FSTL5: variants seen among roughly 807,000 people sequenced by gnomAD.
FSTL5 encodes follistatin like 5, also known as follistatin-related protein 5.
A neutral mutation model predicts 89.1 loss-of-function variants in FSTL5; 62 were observed. That is an observed-to-expected ratio of 0.70 (90% CI 0.57 to 0.86). The LOEUF is 0.86. Ranked by LOEUF, FSTL5 falls within the 40% of genes least tolerant of loss-of-function variation. The pLI is 0.00. For missense variants in FSTL5, 1,057 were observed against 1,001.6 expected (o/e 1.06, Z -0.75); for synonymous variants, 383 against 346.2 (o/e 1.11, Z -1.18).
chr4:161,439,172 T>C (rs1732676434), intron 15 of FSTL5, among the ~76,000 whole-genome samples: 1 of 152,242 alleles, frequency 6.6e-6, no homozygotes, highest in Admixed American at 6.5e-5. Flanking sequence ...TGCACATTAA[T>C]GATAGATCTC....
chr4:161,999,050 T>C (rs1048310444), intron 3 of FSTL5, among the ~76,000 whole-genome samples: 1 of 152,204 alleles, frequency 6.6e-6, no homozygotes, highest in Non-Finnish European at 1.5e-5. Context: ...AGTCGTGCTC[T>C]AAACTAGTTT....
At chr4:162,029,677 G>T (rs1490909410) in intron 3 of FSTL5, among the ~76,000 whole-genome samples, 2 of 151,932 alleles carry the variant, frequency 1.3e-5, no homozygotes, top group African/African-American at 4.8e-5. Context: ...AAGTTATGAA[G>T]CACTGAACAG....
intron 8 of FSTL5, among the ~76,000 whole-genome samples, chr4:161,572,694 A>G (rs1466004792): frequency 1.3e-5 from 2 of 152,196 alleles, no homozygotes; most frequent in East Asian, 3.9e-4. Context: ...CAAGTAGTGC[A>G]CAGACTGGAG....
chr4:161,945,779 C>T (rs1734717544), intron 3 of FSTL5, among the ~76,000 whole-genome samples: 1 of 151,926 alleles, frequency 6.6e-6, no homozygotes, highest in Non-Finnish European at 1.5e-5. Flanking sequence ...GGAATACATT[C>T]AATGTGTTGT....
chr4:162,109,487 A>G (rs1250230437), intron 2 of FSTL5, among the ~76,000 whole-genome samples: 1 of 152,110 alleles, frequency 6.6e-6, no homozygotes, highest in Non-Finnish European at 1.5e-5. Flanking sequence ...ATTTAGCCAT[A>G]AAGACATACA....
At chr4:162,051,334 G>A (rs1381420590) in intron 2 of FSTL5, among the ~76,000 whole-genome samples, 1 of 151,366 alleles carries the variant, frequency 6.6e-6, no homozygotes, top group Non-Finnish European at 1.5e-5. Context: ...GATTAATGGA[G>A]AGATAGGTAG....
chr4:161,581,033 A>G (rs1474787972), intron 8 of FSTL5, among the ~76,000 whole-genome samples: 2 of 152,160 alleles, frequency 1.3e-5, no homozygotes, highest in Admixed American at 1.3e-4. Flanking sequence ...AGCAAGAGCC[A>G]ATCTCCTAGA....
At chr4:161,775,625 T>C (rs911663636) in intron 5 of FSTL5, among the ~76,000 whole-genome samples, 3 of 152,066 alleles carry the variant, frequency 2.0e-5, no homozygotes, top group Non-Finnish European at 2.9e-5. Context: ...GTAATTCCTT[T>C]AGGTATTTAA....
intron 4 of FSTL5, among the ~76,000 whole-genome samples, chr4:161,906,257 G>A (rs1290226285): frequency 1.3e-5 from 2 of 152,108 alleles, no homozygotes; most frequent in African/African-American, 4.8e-5. Context: ...GTTATCGGCG[G>A]TTAAAGTAAA....
intron 15 of FSTL5, among the ~76,000 whole-genome samples, chr4:161,451,752 G>C (rs1419752040): frequency 6.6e-6 from 1 of 152,192 alleles, no homozygotes; most frequent in Admixed American, 6.5e-5. Context: ...TAATGTGTTG[G>C]AGGCTGAGAA....
intron 8 of FSTL5, among the ~76,000 whole-genome samples, chr4:161,551,461 T>C (rs1732209785): frequency 6.6e-6 from 1 of 151,832 alleles, no homozygotes; most frequent in South Asian, 2.1e-4. Context: ...TTTGTTTGAG[T>C]TCATTGTAGA....
intron 3 of FSTL5, among the ~76,000 whole-genome samples, chr4:161,940,114 A>G (rs1734537392): frequency 6.6e-6 from 1 of 151,896 alleles, no homozygotes; most frequent in Non-Finnish European, 1.5e-5. Flanking sequence ...GAATTTCTAA[A>G]AAATTCTATC....
At chr4:161,452,246 T>G (rs982624025) in intron 15 of FSTL5, among the ~76,000 whole-genome samples, 3 of 152,062 alleles carry the variant, frequency 2.0e-5, no homozygotes, top group Non-Finnish European at 4.4e-5. Context: ...GAGGCCAAGG[T>G]GGGTGGATCA....
At chr4:161,652,626 T>G (rs1736380209) in intron 7 of FSTL5, among the ~76,000 whole-genome samples, 1 of 152,126 alleles carries the variant, frequency 6.6e-6, no homozygotes, top group Non-Finnish European at 1.5e-5. Flanking sequence ...ACGGGATTTC[T>G]TCTGCATTCA....
At position 161,500,599 on chromosome 4, in the gene FSTL5, C is replaced by T. The variant is rs554502443; in HGVS notation, c.1340-465G>A. On this transcript the variant is annotated intron_variant, in intron 11 of 15. Transcript: ENST00000306100. ...TTTTTAGGAAGAAAAAGACCAAATGCCCTAGATTTTGTAGAATATAAATTT... is the reference window on the plus strand; with the variant it reads ...TTTTTAGGAAGAAAAAGACCAAATGTCCTAGATTTTGTAGAATATAAATTT... Among the ~76,000 whole-genome samples the T allele has an allele frequency of 7.2e-5, 11 of 152,012 alleles. No individual in the cohort carries two copies. In the East Asian group the frequency reaches 1.9e-3, roughly 27 times the overall value.
At position 162,025,305 on chromosome 4, in the gene FSTL5, G is replaced by T. The variant is rs115633718; in HGVS notation, c.160+8320C>A. Reference sequence around the variant, plus strand: ...AATTTTAACATTATATGAAATTGAGGCTTTTGATAAATATGTTTCTATCAT... The same window carrying T: ...AATTTTAACATTATATGAAATTGAGTCTTTTGATAAATATGTTTCTATCAT... On this transcript the variant is annotated intron_variant, in intron 3 of 15. Transcript: ENST00000306100. Among the ~76,000 whole-genome samples, 1,082 of 152,076 alleles carry T rather than the reference G, an allele frequency of 7.1e-3. 15 individuals are homozygous for T. Among genetic ancestry groups the T allele is most frequent in the African/African-American group, 0.024 (1,000 of 41,498 alleles).
intron 15 of FSTL5, among the ~76,000 whole-genome samples, chr4:161,421,944 T>G (rs1318099033): frequency 6.6e-6 from 1 of 152,190 alleles, no homozygotes; most frequent in African/African-American, 2.4e-5. Flanking sequence ...CAGCAGATTG[T>G]GGGACTTTTC....
chr4:161,566,748 A>AG (rs1157663669), intron 8 of FSTL5, among the ~76,000 whole-genome samples: 1 of 152,002 alleles, frequency 6.6e-6, no homozygotes, highest in African/African-American at 2.4e-5. Context: ...GGAAGGAGGG[A>AG]GTAGCAAAAA....
intron 1 of FSTL5, among the ~76,000 whole-genome samples, chr4:162,162,599 A>G (rs920106168): frequency 1.3e-5 from 2 of 152,186 alleles, no homozygotes; most frequent in African/African-American, 4.8e-5. Flanking sequence ...GCACAGGATA[A>G]CTTCTATCAT....
Sources: gnomAD v4.1 joint callset for allele counts (sites outside exome capture counted in the v4.1 genomes callset) on GRCh38, gnomAD v4.1.1 for gene constraint, MANE v1.5 for transcripts, NCBI Gene and HGNC (gene_info 2026-07-23, HGNC 2026-07-21) for gene names.